Variants in RGS22 observed in about 807,000 individuals in gnomAD.
RGS22 encodes the protein regulator of G-protein signaling 22.
Under a neutral mutation model 172.9 loss-of-function variants are expected in RGS22, and 148 were observed. The observed-to-expected ratio is 0.86, with a 90% CI of 0.75 to 0.98. The LOEUF (loss-of-function observed/expected upper bound fraction) is 0.98. RGS22 is among the 50% of genes least tolerant of loss of function. The probability of loss-of-function intolerance (pLI) is 0.00; values close to 1 mark genes in which losing one functional copy is unlikely to be tolerated. For missense variants in RGS22, 1,347 were observed against 1,440.8 expected (o/e 0.93, Z 1.05); for synonymous variants, 458 against 480.2 (o/e 0.95, Z 0.60).
At chr8:99,989,977 A>T (rs922898916) in intron 20 of RGS22, among the ~76,000 whole-genome samples, 3 of 152,180 alleles carry the variant, frequency 2.0e-5, no homozygotes, top group Non-Finnish European at 4.4e-5. Context: ...TAACCTGCTG[A>T]TTCTGCTGCA....
chr8:100,091,002 T>C (rs939843825), intron 3 of RGS22, among the ~76,000 whole-genome samples: 1 of 152,102 alleles, frequency 6.6e-6, no homozygotes, highest in African/African-American at 2.4e-5. Context: ...TTCCCTAAAA[T>C]ACCAGTCTAT....
chr8:99,983,176 G>A (rs1812730580), intron 21 of RGS22, among the ~76,000 whole-genome samples: 1 of 152,164 alleles, frequency 6.6e-6, no homozygotes, highest in African/African-American at 2.4e-5. Context: ...CGGTGTATAT[G>A]TACCACATTT....
chr8:99,962,516 G>C lies in RGS22; in HGVS notation c.3791-73C>G, dbSNP rs1304695341. ...AGCAGAGGAGAGGAACAGAGACAGAGAGAAGCAGGACTCACACACACGGAG... is the reference window on the plus strand; with the variant it reads ...AGCAGAGGAGAGGAACAGAGACAGACAGAAGCAGGACTCACACACACGGAG... On this transcript the variant is annotated intron_variant, in intron 26 of 27. Transcript: ENST00000360863. 5 of 1,523,540 alleles carry C rather than the reference G, an allele frequency of 3.3e-6. No homozygotes were observed. In the African/African-American group the frequency reaches 5.5e-5, roughly 17 times the overall value. The allele number at this position is 1,523,540 out of a possible 1,614,324, so 94.4% of individuals were successfully genotyped here.
intron 3 of RGS22, among the ~76,000 whole-genome samples, chr8:100,092,751 T>C (rs1268645958): frequency 6.6e-6 from 1 of 152,194 alleles, no homozygotes; most frequent in Non-Finnish European, 1.5e-5. Context: ...TATAGCAGCA[T>C]AGACTATATG....
intron 9 of RGS22, among the ~76,000 whole-genome samples, chr8:100,055,653 T>C (rs1482441470): frequency 2.1e-4 from 32 of 152,252 alleles, no homozygotes; most frequent in Non-Finnish European, 4.4e-5. Context: ...AACTGAATCA[T>C]GGGGGCAGGT....
chr8:100,037,643 TA>T (rs1563649658), intron 14 of RGS22, among the ~76,000 whole-genome samples: 1 of 152,122 alleles, frequency 6.6e-6, no homozygotes, highest in Non-Finnish European at 1.5e-5. Context: ...TGAAAATTAT[TA>T]AGAAAAAAAC....
intron 4 of RGS22, among the ~76,000 whole-genome samples, chr8:100,072,533 A>G (rs914821344): frequency 2.0e-5 from 3 of 152,182 alleles, no homozygotes; most frequent in Non-Finnish European, 4.4e-5. Context: ...GAATGAGGGA[A>G]AAAAAGCCAA....
At chr8:100,056,240 T>C (rs1042259836) in intron 9 of RGS22, among the ~76,000 whole-genome samples, 4 of 152,054 alleles carry the variant, frequency 2.6e-5, no homozygotes, top group Non-Finnish European at 4.4e-5. Flanking sequence ...TGATTTAGGG[T>C]ATCCGGGGGA....
At chr8:100,105,714 C>T in intron 1 of RGS22, 183 bp downstream of exon 1, 2 of 566,388 alleles carry the variant, frequency 3.5e-6, no homozygotes, top group Non-Finnish European at 6.2e-6. Flanking sequence ...GTGGTGCCAG[C>T]ATAAACCGGC....
intron 11 of RGS22, among the ~76,000 whole-genome samples, chr8:100,043,089 A>G (rs1109409): frequency 0.58 from 88,199 of 152,074 alleles, 25,786 homozygotes; most frequent in Admixed American, 0.64. Context: ...CTATTGTACC[A>G]ACACTGGCAG....
chr8:100,088,676 G>A (rs1812335664), intron 3 of RGS22, among the ~76,000 whole-genome samples: 1 of 152,104 alleles, frequency 6.6e-6, no homozygotes. Context: ...ATAACATGGA[G>A]GCAGGCTACC....
intron 2 of RGS22, among the ~76,000 whole-genome samples, chr8:100,100,245 G>A (rs1246793948): frequency 1.3e-5 from 2 of 150,872 alleles, no homozygotes; most frequent in South Asian, 2.1e-4. Context: ...TAAATGTTAT[G>A]TAAATGGTTG....
At position 99,962,889 on chromosome 8, in the gene RGS22, A is replaced by C. The variant is rs781092684; in HGVS notation, c.3705T>G (p.Phe1235Leu). 6.3e-7 allele frequency: 1 copy of C among 1,594,538 alleles called. No individual in the cohort carries two copies. The highest frequency in any genetic ancestry group is 1.4e-5 in the African/African-American group (1 of 73,484). Residue 1235 changes from phenylalanine to leucine, a missense_variant, in exon 25 of 28, where the codon TTT (phenylalanine) becomes TTG (leucine). Physicochemically the swap from Phe to Leu is conservative, Grantham distance 22 (BLOSUM62 0). Transcript: ENST00000360863. ...TAGGCAGAAGGCAAAAATTACCTGC[A>C]AACAACTTTTTTTCTAGTTCTTCTT... is the stretch of plus-strand genomic sequence containing the variant. ...KIQEELEKKL[F>L]AGLQPLTNFK...
chr8:100,069,386 A>G (rs986576960), intron 6 of RGS22, among the ~76,000 whole-genome samples: 5 of 152,238 alleles, frequency 3.3e-5, no homozygotes, highest in African/African-American at 1.2e-4. Flanking sequence ...AGAATTGTGT[A>G]TTAGAAGTAT....
chr8:100,069,784 C>A (rs1477959966), intron 6 of RGS22, among the ~76,000 whole-genome samples: 1 of 152,064 alleles, frequency 6.6e-6, no homozygotes, highest in Non-Finnish European at 1.5e-5. Flanking sequence ...ATATTTCTAA[C>A]TACATTTCAA....
At position 100,008,516 on chromosome 8, in the gene RGS22, T is replaced by A. The variant is rs780835853; in HGVS notation, c.2220A>T (p.Gln740His). 1.1e-5 allele frequency: 18 copies of A among 1,612,810 alleles called. No homozygotes were observed. Residue 740 changes from glutamine to histidine, a missense_variant, in exon 15 of 28, where the codon CAA becomes CAT. Gln to His is a conservative substitution (Grantham distance 24). Transcript: ENST00000360863. ...APSATLDIGLQQEKKKEIYMK... is the reference protein window; with the variant it reads ...APSATLDIGLHQEKKKEIYMK... ...TATAAATTTCTTTTTTCTTTTCCTG[T>A]TGGAGTCCAATGTCAAGAGTGGCAG...
intron 18 of RGS22, among the ~76,000 whole-genome samples, chr8:99,999,716 TC>T (rs990086157): frequency 6.6e-6 from 1 of 152,180 alleles, no homozygotes; most frequent in African/African-American, 2.4e-5. Flanking sequence ...GGCATTTTTT[TC>T]CCTCCATGGA....
At chr8:100,052,273 ATATAT>A (rs559590073) in intron 10 of RGS22, among the ~76,000 whole-genome samples, 258 of 140,540 alleles carry the variant, frequency 1.8e-3, no homozygotes, top group African/African-American at 6.5e-3. Flanking sequence ...AAATGTATAT[ATATAT>A]TTATATACAT....
At chr8:99,985,489 A>G (rs1812996421) in intron 21 of RGS22, among the ~76,000 whole-genome samples, 1 of 152,178 alleles carries the variant, frequency 6.6e-6, no homozygotes, top group African/African-American at 2.4e-5. Context: ...TCTGTGCCAA[A>G]ACCATACCTA....
Sources: gnomAD v4.1 joint callset for allele counts (sites outside exome capture counted in the v4.1 genomes callset) on GRCh38, gnomAD v4.1.1 for gene constraint, MANE v1.5 for transcripts, NCBI Gene and HGNC (gene_info 2026-07-23, HGNC 2026-07-21) for gene names.